TMEM119: variants seen among roughly 807,000 people sequenced by gnomAD.
The protein encoded by TMEM119 is transmembrane protein 119.
For synonymous variants in TMEM119, 182 were observed against 176.4 expected (o/e 1.03, Z -0.25); for missense variants, 410 against 381.0 (o/e 1.08, Z -0.63).
At chr12:108,593,255 C>T (rs901751577) in intron 1 of TMEM119, among the ~76,000 whole-genome samples, 3 of 152,018 alleles carry the variant, frequency 2.0e-5, no homozygotes, top group Non-Finnish European at 4.4e-5. Context: ...ACCAGCCTGG[C>T]CATCATGGTG....
At chr12:108,596,807 G>A (rs1029837360) in intron 1 of TMEM119, among the ~76,000 whole-genome samples, 2 of 152,224 alleles carry the variant, frequency 1.3e-5, no homozygotes, top group Admixed American at 6.5e-5. Flanking sequence ...CAGGCCCAAC[G>A]CCTCTTGCTT....
At chr12:108,595,682 CCA>C (rs2136744343) in intron 1 of TMEM119, among the ~76,000 whole-genome samples, 2 of 151,032 alleles carry the variant, frequency 1.3e-5, no homozygotes, top group East Asian at 2.0e-4. Context: ...ACCTACACAA[CCA>C]CACACACATG....
Position 108,592,419 on chromosome 12 carries a change from A to G in TMEM119, c.-14-22T>C, listed in dbSNP as rs976172393. On this transcript the variant is annotated intron_variant, in intron 1 of 1. Coordinates refer to ENST00000392806, the MANE Select transcript of TMEM119 (RefSeq NM_181724.3). This position sits in a 1 kb window ranked among gnomAD's most constrained non-coding sequence, Gnocchi z 4.3. ...GGACCTGTGAGACAGGAGGGAGGAG[A>G]GAAGTCATGGCGGAACTCTAGAGTG... The G allele has an allele frequency of 1.3e-6, 2 of 1,525,060 alleles. No individual in the cohort carries two copies. The highest frequency in any genetic ancestry group is 2.8e-5 in the African/African-American group (2 of 72,374). The allele number at this position is 1,525,060 out of a possible 1,614,324, so 94.5% of individuals were successfully genotyped here.
At chr12:108,596,743 G>A (rs1018930556) in intron 1 of TMEM119, among the ~76,000 whole-genome samples, 13 of 152,166 alleles carry the variant, frequency 8.5e-5, no homozygotes, top group Non-Finnish European at 1.5e-4. Flanking sequence ...ACCTCCCCCC[G>A]GACCCTAATT....
rs2031418131 is a variant in TMEM119, at chr12:108,592,116, A to C, written c.268T>G (p.Phe90Val). The C allele has an allele frequency of 3.1e-6, 5 of 1,614,176 alleles. No individual in the cohort carries two copies. The highest frequency in any genetic ancestry group is 4.2e-6 in the Non-Finnish European group (5 of 1,180,010). Residue 90 changes from phenylalanine to valine, a missense_variant, in exon 2 of 2, where the codon TTC becomes GTC. Phe to Val is a conservative substitution (Grantham distance 50). Transcript: ENST00000392806. The surrounding 1 kb of genome is among the most constrained non-coding windows in gnomAD (Gnocchi z 4.3). The stretch of plus-strand genomic sequence containing the variant: ...ATCAGCATCACGTACTGGCGGAAGA[A>C]GTCCACTATCCCATCCAGGAAGTTG... ...PTNFLDGIVDFFRQYVMLIAV... is the reference protein window; with the variant it reads ...PTNFLDGIVDVFRQYVMLIAV...
Position 108,592,266 on chromosome 12 carries a change from C to T in TMEM119, c.118G>A (p.Gly40Ser). 6.2e-7 allele frequency: 1 copy of T among 1,608,892 alleles called. No individual in the cohort carries two copies. The highest frequency in any genetic ancestry group is 8.5e-7 in the Non-Finnish European group (1 of 1,178,678). The change falls in exon 2 of 2, where the codon GGT becomes AGT. Residue 40 changes from glycine to serine, a missense_variant. Transcript: ENST00000392806. The surrounding 1 kb of genome is among the most constrained non-coding windows in gnomAD (Gnocchi z 4.3). Reference protein sequence around the residue: ...LKATFLEDVAGSGEAEGSSAS... With the variant: ...LKATFLEDVASSGEAEGSSAS... The stretch of plus-strand genomic sequence containing the variant: ...GACGAGCCCTCGGCCTCCCCACTAC[C>T]CGCCACATCCTCCAGGAACGTGGCC...
At chr12:108,595,227 C>A (rs1459326049) in intron 1 of TMEM119, among the ~76,000 whole-genome samples, 1 of 151,668 alleles carries the variant, frequency 6.6e-6, no homozygotes, top group Non-Finnish European at 1.5e-5. Flanking sequence ...CACATGCACA[C>A]TCACCACACA....
chr12:108,593,077 G>A (rs984456144), intron 1 of TMEM119, among the ~76,000 whole-genome samples: 1 of 152,144 alleles, frequency 6.6e-6, no homozygotes, highest in African/African-American at 2.4e-5. Context: ...AAGTGGCTCC[G>A]CGCGGCCACA....
At chr12:108,593,620 C>G (rs1204843742) in intron 1 of TMEM119, among the ~76,000 whole-genome samples, 1 of 152,110 alleles carries the variant, frequency 6.6e-6, no homozygotes, top group Non-Finnish European at 1.5e-5. Flanking sequence ...GTTCCCAAGA[C>G]AAAGCTGAGC....
At chr12:108,596,313 G>A (rs1374460136) in intron 1 of TMEM119, among the ~76,000 whole-genome samples, 3 of 152,108 alleles carry the variant, frequency 2.0e-5, no homozygotes, top group East Asian at 3.9e-4. Flanking sequence ...TTTTCACCCC[G>A]TTCAGTGAAA....
Position 108,591,336 on chromosome 12 carries a change from G to A in TMEM119, c.*196C>T. On this transcript the variant is annotated 3_prime_UTR_variant, in exon 2 of 2. Transcript: ENST00000392806. This position sits in a 1 kb window ranked among gnomAD's most constrained non-coding sequence, Gnocchi z 4.2. Reference sequence around the variant, plus strand: ...GGGGCTGCTGAGGTGAAGGATGATGGCACTTGGTAAGATTCCTCCGGGGCA... The same window carrying A: ...GGGGCTGCTGAGGTGAAGGATGATGACACTTGGTAAGATTCCTCCGGGGCA... 1.6e-6 allele frequency: 1 copy of A among 615,518 alleles called. No individual in the cohort carries two copies. Among genetic ancestry groups the A allele is most frequent in the East Asian group, 3.0e-5 (1 of 33,846 alleles). 38.1% of individuals were successfully genotyped at this position (615,518 alleles called of 1,614,324 possible).
In TMEM119 at chr12:108,591,485, G is replaced by T; in HGVS notation, c.*47C>A. The T allele has an allele frequency of 6.6e-7, 1 of 1,524,640 alleles. No individual in the cohort carries two copies. The highest frequency in any genetic ancestry group is 1.3e-5 in the South Asian group (1 of 77,450). 94.4% of individuals were successfully genotyped at this position (1,524,640 alleles called of 1,614,324 possible). ...AAGGCCTTTTCATACACGGGGAGGT[G>T]ACCACTTGGGGGCCCGACAGTCAGG... On this transcript the variant is annotated 3_prime_UTR_variant, in exon 2 of 2. Coordinates refer to ENST00000392806, the MANE Select transcript of TMEM119 (RefSeq NM_181724.3). The surrounding 1 kb of genome is among the most constrained non-coding windows in gnomAD (Gnocchi z 4.2).
In TMEM119 at chr12:108,593,081, G is replaced by A. The variant is rs139751458; in HGVS notation, c.-14-684C>T. On this transcript the variant is annotated intron_variant, in intron 1 of 1. Coordinates refer to ENST00000392806, the MANE Select transcript of TMEM119 (RefSeq NM_181724.3). Reference sequence around the variant, plus strand: ...CTGGGTGGCCAAAGTGGCTCCGCGCGGCCACAACCTGGTGGTTCAGGGGCT... The same window carrying A: ...CTGGGTGGCCAAAGTGGCTCCGCGCAGCCACAACCTGGTGGTTCAGGGGCT... Among the ~76,000 whole-genome samples, 1,321 of 152,200 alleles carry A rather than the reference G, an allele frequency of 8.7e-3. 13 individuals are homozygous for A. The highest frequency in any genetic ancestry group is 1.0e-2 in the Non-Finnish European group (680 of 68,010).
rs552608762 is a variant in TMEM119, at chr12:108,592,214, G to A, written c.170C>T (p.Pro57Leu). 3 of 1,613,010 alleles carry A rather than the reference G, an allele frequency of 1.9e-6. No homozygotes were observed. The highest frequency in any genetic ancestry group is 2.2e-5 in the East Asian group (1 of 44,846). The change falls in exon 2 of 2, where the codon CCC becomes CTC. Residue 57 changes from proline (P) to leucine (L), a missense_variant. Transcript: ENST00000392806. The surrounding 1 kb of genome is among the most constrained non-coding windows in gnomAD (Gnocchi z 4.3). ...SSASSPSLPP[P>L]WTPALSPTSM... is the part of the protein sequence containing the mutation. ...TGTGGGGCTGAGGGCCGGGGTCCAG[G>A]GTGGCGGGAGGCTCGGGGAGGAGGC...
At position 108,591,924 on chromosome 12, in the gene TMEM119, G is replaced by T; in HGVS notation, c.460C>A (p.Pro154Thr). ...GGCCTGCTGTCGGGGGCTCTGTCGG[G>T]GACCTCACTGAAGGCCCGGGGGCCC... ...AGGPRAFSEV[P>T]DRAPDSRPEE... Residue 154 changes from proline to threonine, a missense_variant, in exon 2 of 2, where the codon CCC becomes ACC. Coordinates refer to ENST00000392806, the MANE Select transcript of TMEM119 (RefSeq NM_181724.3). This position sits in a 1 kb window ranked among gnomAD's most constrained non-coding sequence, Gnocchi z 4.2. 2 of 1,613,332 alleles carry T rather than the reference G, an allele frequency of 1.2e-6. No homozygotes were observed. Among genetic ancestry groups the T allele is most frequent in the Non-Finnish European group, 1.7e-6 (2 of 1,179,772 alleles).
At position 108,591,159 on chromosome 12, in the gene TMEM119, A is replaced by T; in HGVS notation, c.*373T>A. The T allele has an allele frequency of 5.2e-6, 1 of 190,554 alleles. No homozygotes were observed. Among genetic ancestry groups the T allele is most frequent in the Non-Finnish European group, 1.1e-5 (1 of 93,982 alleles). 11.8% of individuals were successfully genotyped at this position (190,554 alleles called of 1,614,324 possible). The stretch of plus-strand genomic sequence containing the variant: ...GGGCTGGTTTGGAACTCCTGGTCTC[A>T]AGTGATGTCCGCACTTGGCCTCCCA... On this transcript the variant is annotated 3_prime_UTR_variant, in exon 2 of 2. Coordinates refer to ENST00000392806, the MANE Select transcript of TMEM119 (RefSeq NM_181724.3). The surrounding 1 kb of genome is among the most constrained non-coding windows in gnomAD (Gnocchi z 4.2).
Position 108,592,312 on chromosome 12 carries a change from G to T in TMEM119, c.72C>A (p.Asp24Glu), listed in dbSNP as rs150208122. Residue 24 changes from aspartate to glutamate, a missense_variant, in exon 2 of 2, where the codon GAC becomes GAA. Asp to Glu is a conservative substitution (Grantham distance 45). Coordinates refer to ENST00000392806, the MANE Select transcript of TMEM119 (RefSeq NM_181724.3). The surrounding 1 kb of genome is among the most constrained non-coding windows in gnomAD (Gnocchi z 4.3). Reference protein sequence around the residue: ...LLLLGSVPATDARSVPLKATF... With the variant: ...LLLLGSVPATEARSVPLKATF... ...TGGCCTTCAGGGGCACAGAGCGGGC[G>T]TCGGTAGCAGGCACAGACCCCAGGA... is the stretch of plus-strand genomic sequence containing the variant. The T allele has an allele frequency of 1.9e-6, 3 of 1,600,636 alleles. No homozygotes were observed. In the East Asian group the frequency reaches 6.7e-5, roughly 36 times the overall value.
At chr12:108,593,209 C>T (rs1263261442) in intron 1 of TMEM119, among the ~76,000 whole-genome samples, 3 of 152,040 alleles carry the variant, frequency 2.0e-5, no homozygotes, top group Non-Finnish European at 4.4e-5. Flanking sequence ...TTTGGGAGGC[C>T]GAGGTGGGCA....
intron 1 of TMEM119, among the ~76,000 whole-genome samples, chr12:108,596,746 C>A (rs962027217): frequency 6.6e-6 from 1 of 152,210 alleles, no homozygotes. Context: ...TCCCCCCGGA[C>A]CCTAATTTTT....
Sources: gnomAD v4.1 joint callset for allele counts (sites outside exome capture counted in the v4.1 genomes callset) on GRCh38, gnomAD v4.1.1 for gene constraint, Gnocchi (gnomAD v3.1) non-coding constraint, MANE v1.5 for transcripts, NCBI Gene and HGNC (gene_info 2026-07-23, HGNC 2026-07-21) for gene names.